The following LRP1B variants were observed in gnomAD, a reference collection of about 807,000 sequenced individuals.
The protein encoded by LRP1B is low-density lipoprotein receptor-related protein 1B.
In LRP1B, 217 loss-of-function variants were observed where a neutral mutation model predicts 556.6. The observed-to-expected ratio is 0.39, with a 90% CI of 0.35 to 0.44. The LOEUF is 0.44. Ranked by LOEUF, LRP1B falls within the 20% of genes least tolerant of loss-of-function variation. The pLI, the probability that LRP1B is intolerant of heterozygous loss-of-function variation, is 1.00. For missense variants in LRP1B, 5,053 were observed against 5,620.8 expected (o/e 0.90, Z 3.23); for synonymous variants, 2,047 against 1,865.8 (o/e 1.10, Z -2.50).
intron 11 of LRP1B, among the ~76,000 whole-genome samples, chr2:141,025,800 A>T (rs1214874755): frequency 6.6e-6 from 1 of 152,096 alleles, no homozygotes; most frequent in Admixed American, 6.6e-5. Context: ...GTACACAATG[A>T]CCATGACTGT....
intron 2 of LRP1B, among the ~76,000 whole-genome samples, chr2:141,684,803 ACCAGGAACACTG>A (rs1691236284): frequency 6.6e-6 from 1 of 152,036 alleles, no homozygotes. Flanking sequence ...ATGTTTTATC[ACCAGGAACACTG>A]CCAGCTTGAA....
intron 6 of LRP1B, among the ~76,000 whole-genome samples, chr2:141,195,674 C>T (rs10496871): frequency 0.031 from 4,769 of 152,074 alleles, 257 homozygotes; most frequent in African/African-American, 0.11. Flanking sequence ...GAGGATAATC[C>T]GTAAATGCTC....
At chr2:140,732,517 T>G (rs1687813258) in intron 35 of LRP1B, among the ~76,000 whole-genome samples, 1 of 152,248 alleles carries the variant, frequency 6.6e-6, no homozygotes, top group East Asian at 1.9e-4. Context: ...AGCTAGGTTT[T>G]GGATAGTATA....
intron 41 of LRP1B, among the ~76,000 whole-genome samples, chr2:140,651,420 T>A (rs1684680011): frequency 6.9e-6 from 1 of 145,328 alleles, no homozygotes; most frequent in Non-Finnish European, 1.5e-5. Flanking sequence ...AGTTAGTGGG[T>A]GCAGCGCACC....
At chr2:140,948,085 T>A (rs1279066570) in intron 20 of LRP1B, among the ~76,000 whole-genome samples, 2 of 152,162 alleles carry the variant, frequency 1.3e-5, no homozygotes, top group Non-Finnish European at 2.9e-5. Flanking sequence ...AAAAGCAATC[T>A]TTTAAAAATT....
chr2:141,073,297 T>C (rs971605144), intron 7 of LRP1B, among the ~76,000 whole-genome samples: 1 of 152,060 alleles, frequency 6.6e-6, no homozygotes, highest in African/African-American at 2.4e-5. Flanking sequence ...CTTTTCCCAG[T>C]CTCCTTTTAT....
At chr2:140,437,999 A>T (rs1686260618) in intron 66 of LRP1B, among the ~76,000 whole-genome samples, 1 of 152,028 alleles carries the variant, frequency 6.6e-6, no homozygotes, top group Non-Finnish European at 1.5e-5. Context: ...ACAAGTGTAT[A>T]TGTGTGAAAT....
chr2:141,138,236 C>A (rs529865795), intron 7 of LRP1B, among the ~76,000 whole-genome samples: 6 of 151,870 alleles, frequency 4.0e-5, no homozygotes, highest in African/African-American at 1.5e-4. Flanking sequence ...GACAAAAATT[C>A]TCAACAAACT....
At chr2:141,317,087 A>G (rs1486064068) in intron 3 of LRP1B, among the ~76,000 whole-genome samples, 2 of 152,194 alleles carry the variant, frequency 1.3e-5, no homozygotes, top group East Asian at 3.8e-4. Context: ...TATACAATCA[A>G]TGTGTCTTGA....
chr2:141,379,946 A>AT (rs1365271960), intron 3 of LRP1B, among the ~76,000 whole-genome samples: 2 of 152,126 alleles, frequency 1.3e-5, no homozygotes. Flanking sequence ...GTGGGTGAGC[A>AT]TTTTGCAAAG....
intron 1 of LRP1B, among the ~76,000 whole-genome samples, chr2:141,926,542 A>C (rs4662308): frequency 0.86 from 131,165 of 152,094 alleles, 56,709 homozygotes; most frequent in East Asian, 1. Flanking sequence ...CACCACTTCC[A>C]ACCTATTAGA....
At position 141,453,447 on chromosome 2, in the gene LRP1B, A is replaced by G. The variant is rs114428032; in HGVS notation, c.343+26949T>C. 1.1e-3 allele frequency among the ~76,000 whole-genome samples: 161 copies of G among 152,178 alleles called. 2 individuals carry two copies. Among genetic ancestry groups the G allele is most frequent in the African/African-American group, 3.8e-3 (158 of 41,512 alleles). On this transcript the variant is annotated intron_variant, in intron 3 of 90. Transcript: ENST00000389484. ...TTCCATGAGTCTTCCATAGTTATCC[A>G]ATTTCCACAGTGACTTTTATCTGAA...
intron 6 of LRP1B, among the ~76,000 whole-genome samples, chr2:141,190,831 TTTGGCATA>T (rs779380113): frequency 6.6e-6 from 1 of 152,002 alleles, no homozygotes; most frequent in Non-Finnish European, 1.5e-5. Context: ...AATATGGCAC[TTTGGCATA>T]TTGAAGGAAT....
At chr2:141,790,452 G>A (rs2105660436) in intron 2 of LRP1B, among the ~76,000 whole-genome samples, 1 of 152,044 alleles carries the variant, frequency 6.6e-6, no homozygotes, top group South Asian at 2.1e-4. Flanking sequence ...GTTCCCTGGA[G>A]GCTGCTGTGG....
intron 2 of LRP1B, among the ~76,000 whole-genome samples, chr2:141,492,515 G>T (rs1683372026): frequency 6.6e-6 from 1 of 152,238 alleles, no homozygotes; most frequent in East Asian, 1.9e-4. Flanking sequence ...TTGTTCATTG[G>T]TTATTTTACT....
intron 31 of LRP1B, among the ~76,000 whole-genome samples, chr2:140,821,756 C>T (rs965654762): frequency 1.3e-5 from 2 of 152,056 alleles, no homozygotes; most frequent in Admixed American, 6.6e-5. Context: ...AAGGGGAGGC[C>T]GGGCGCCATG....
chr2:141,759,828 G>A (rs1194231477), intron 2 of LRP1B, among the ~76,000 whole-genome samples: 1 of 152,246 alleles, frequency 6.6e-6, no homozygotes, highest in African/African-American at 2.4e-5. Flanking sequence ...CACATTACAT[G>A]TCAAAAGCAA....
At chr2:140,633,270 G>GC (rs111256394) in intron 41 of LRP1B, among the ~76,000 whole-genome samples, 21,935 of 151,924 alleles carry the variant, frequency 0.14, 1,802 homozygotes, top group African/African-American at 0.21. Context: ...AATATTTAGA[G>GC]TAAATAAAAA....
chr2:141,094,508 C>T (rs1278318003), intron 7 of LRP1B, among the ~76,000 whole-genome samples: 1 of 152,124 alleles, frequency 6.6e-6, no homozygotes, highest in East Asian at 1.9e-4. Context: ...AAGTGACATA[C>T]TTAAAGCTAC....
Sources: gnomAD v4.1 joint callset for allele counts (sites outside exome capture counted in the v4.1 genomes callset) on GRCh38, gnomAD v4.1.1 for gene constraint, MANE v1.5 for transcripts, NCBI Gene and HGNC (gene_info 2026-07-23, HGNC 2026-07-21) for gene names.